CTNNA3: variants seen among roughly 807,000 people sequenced by gnomAD.
The protein encoded by CTNNA3 is catenin alpha-3.
CTNNA3 carries 76 observed loss-of-function variants against 95.7 expected under a neutral mutation model. That is an observed-to-expected ratio of 0.79 (90% CI 0.66 to 0.96). The LOEUF is 0.96. CTNNA3 is among the 40% of genes least tolerant of loss of function. CTNNA3 has a pLI of 0.00. For synonymous variants in CTNNA3, 431 were observed against 374.4 expected (o/e 1.15, Z -1.74); for missense variants, 1,191 against 1,089.8 (o/e 1.09, Z -1.31).
chr10:67,492,752 AC>A (rs1275956207), intron 5 of CTNNA3, among the ~76,000 whole-genome samples: 1 of 152,376 alleles, frequency 6.6e-6, no homozygotes, highest in East Asian at 1.9e-4. Flanking sequence ...AACAGCAAGT[AC>A]TAAGGACAGA....
chr10:66,986,101 A>G (rs1181755942), intron 7 of CTNNA3, among the ~76,000 whole-genome samples: 1 of 152,176 alleles, frequency 6.6e-6, no homozygotes, highest in African/African-American at 2.4e-5. Context: ...CATCTGTTTA[A>G]CTAACTATAA....
At chr10:67,084,242 A>G (rs1220079039) in intron 7 of CTNNA3, among the ~76,000 whole-genome samples, 2 of 151,744 alleles carry the variant, frequency 1.3e-5, no homozygotes, top group East Asian at 3.9e-4. Context: ...GTTATCCTCA[A>G]ATGGTTGGCA....
At chr10:66,539,956 A>G (rs2132073736) in intron 10 of CTNNA3, among the ~76,000 whole-genome samples, 1 of 152,220 alleles carries the variant, frequency 6.6e-6, no homozygotes, top group East Asian at 1.9e-4. Context: ...GTCCTGGTCA[A>G]TGTTTGTTAA....
intron 5 of CTNNA3, among the ~76,000 whole-genome samples, chr10:67,387,599 T>G (rs1053265441): frequency 6.6e-6 from 1 of 152,190 alleles, no homozygotes; most frequent in Non-Finnish European, 1.5e-5. Context: ...GCTCCACCTC[T>G]GGGGGCAGGG....
intron 13 of CTNNA3, among the ~76,000 whole-genome samples, chr10:66,273,228 A>G (rs1223524468): frequency 6.6e-6 from 1 of 152,138 alleles, no homozygotes; most frequent in African/African-American, 2.4e-5. Flanking sequence ...AAGTAAAATA[A>G]GGGTTACTTG....
chr10:67,017,717 A>G (rs942724937), intron 7 of CTNNA3, among the ~76,000 whole-genome samples: 1 of 147,128 alleles, frequency 6.8e-6, no homozygotes, highest in African/African-American at 2.5e-5. Context: ...TGATGTCACA[A>G]AAATCATCTG....
At chr10:66,691,373 A>C (rs1412124243) in intron 9 of CTNNA3, among the ~76,000 whole-genome samples, 1 of 152,160 alleles carries the variant, frequency 6.6e-6, no homozygotes, top group Non-Finnish European at 1.5e-5. Flanking sequence ...CAGCAGACTG[A>C]GATCAAACTG....
intron 11 of CTNNA3, among the ~76,000 whole-genome samples, chr10:66,498,189 C>G (rs1434568498): frequency 6.6e-6 from 1 of 151,924 alleles, no homozygotes; most frequent in Non-Finnish European, 1.5e-5. Flanking sequence ...TTGATTACTT[C>G]TGTTTTAAAA....
At chr10:66,288,081 CAT>C in intron 12 of CTNNA3, among the ~76,000 whole-genome samples, 1 of 152,142 alleles carries the variant, frequency 6.6e-6, no homozygotes, top group Non-Finnish European at 1.5e-5. Context: ...GGCTTGAACT[CAT>C]AATTTTATAT....
At chr10:67,746,145 G>T (rs1409239400) in intron 1 of CTNNA3, among the ~76,000 whole-genome samples, 1 of 152,108 alleles carries the variant, frequency 6.6e-6, no homozygotes, top group Non-Finnish European at 1.5e-5. Context: ...AACAAAGCTG[G>T]AAGCATCCCA....
At chr10:67,234,025 C>T (rs935172648) in intron 5 of CTNNA3, among the ~76,000 whole-genome samples, 5 of 152,178 alleles carry the variant, frequency 3.3e-5, no homozygotes, top group African/African-American at 1.2e-4. Context: ...TAATCAATAG[C>T]TTACCAACCA....
intron 13 of CTNNA3, among the ~76,000 whole-genome samples, chr10:66,244,953 G>C (rs1432748630): frequency 6.6e-6 from 1 of 152,188 alleles, no homozygotes; most frequent in Non-Finnish European, 1.5e-5. Context: ...GGGATCTTTG[G>C]GGTGTTGCTT....
chr10:66,743,304 A>C (rs1397313442), intron 9 of CTNNA3, among the ~76,000 whole-genome samples: 1 of 152,158 alleles, frequency 6.6e-6, no homozygotes, highest in Non-Finnish European at 1.5e-5. Flanking sequence ...AAGAGGAAAA[A>C]CCCTTAGAAT....
At chr10:66,374,541 T>G (rs2092778990) in intron 12 of CTNNA3, among the ~76,000 whole-genome samples, 1 of 151,250 alleles carries the variant, frequency 6.6e-6, no homozygotes, top group African/African-American at 2.4e-5. Context: ...CTGGGAGAGA[T>G]TCAAAGAAAA....
intron 13 of CTNNA3, among the ~76,000 whole-genome samples, chr10:66,267,397 A>G (rs1238896977): frequency 1.3e-5 from 2 of 152,122 alleles, no homozygotes; most frequent in Non-Finnish European, 2.9e-5. Context: ...TGGAATGTCA[A>G]CAAATGGCTA....
chr10:67,382,422 C>T (rs1205803778), intron 5 of CTNNA3, among the ~76,000 whole-genome samples: 2 of 151,824 alleles, frequency 1.3e-5, no homozygotes, highest in Non-Finnish European at 1.5e-5. Flanking sequence ...ATAAAATAAG[C>T]AGAATTAAAA....
intron 10 of CTNNA3, among the ~76,000 whole-genome samples, chr10:66,605,915 A>G (rs72799244): frequency 0.28 from 43,089 of 151,982 alleles, 6,505 homozygotes; most frequent in Middle Eastern, 0.43. Flanking sequence ...CACGCTAACC[A>G]CCTAACATCA....
At chr10:67,390,927 T>C (rs928955576) in intron 5 of CTNNA3, among the ~76,000 whole-genome samples, 7 of 151,814 alleles carry the variant, frequency 4.6e-5, no homozygotes, top group African/African-American at 1.7e-4. Flanking sequence ...GAGCTATCTA[T>C]GACAAACCCA....
chr10:66,255,901 G>A (rs2090751637), intron 13 of CTNNA3, among the ~76,000 whole-genome samples: 1 of 152,144 alleles, frequency 6.6e-6, no homozygotes, highest in Non-Finnish European at 1.5e-5. Flanking sequence ...TTTTAACGTG[G>A]CAAGATATAT....
Sources: allele counts gnomAD v4.1 joint callset (sites outside exome capture counted in the v4.1 genomes callset), GRCh38; gene constraint gnomAD v4.1.1; transcripts MANE v1.5; gene names NCBI Gene and HGNC (gene_info 2026-07-23, HGNC 2026-07-21).